KIAA1217: variants seen among roughly 807,000 people sequenced by gnomAD.
The protein encoded by KIAA1217 is sickle tail protein homolog.
KIAA1217 carries 88 observed loss-of-function variants against 163.9 expected under a neutral mutation model. The observed-to-expected ratio is 0.54, with a 90% CI of 0.45 to 0.64. The LOEUF (loss-of-function observed/expected upper bound fraction) is 0.64, where lower values mean the gene tolerates loss of function less well. Ranked by LOEUF, KIAA1217 falls within the 30% of genes least tolerant of loss-of-function variation. The pLI, the probability that KIAA1217 is intolerant of heterozygous loss-of-function variation, is 0.00. For missense variants in KIAA1217, 2,372 were observed against 2,475.0 expected (o/e 0.96, Z 0.88); for synonymous variants, 903 against 923.1 (o/e 0.98, Z 0.39).
chr10:23,765,574 T>C (rs12245363), intron 1 of KIAA1217, among the ~76,000 whole-genome samples: 42,752 of 151,934 alleles, frequency 0.28, 7,397 homozygotes, highest in African/African-American at 0.49. Flanking sequence ...TTGTAATCCC[T>C]ATATGTGGAG....
intron 3 of KIAA1217, among the ~76,000 whole-genome samples, chr10:24,414,221 G>T (rs1022461772): frequency 6.6e-6 from 1 of 152,160 alleles, no homozygotes; most frequent in African/African-American, 2.4e-5. Context: ...TGCCACATAG[G>T]TTGAATTATC....
At chr10:23,789,081 A>T (rs1269625853) in intron 1 of KIAA1217, among the ~76,000 whole-genome samples, 1 of 152,240 alleles carries the variant, frequency 6.6e-6, no homozygotes. Flanking sequence ...CCAAATGAGA[A>T]AACTTTGTCT....
chr10:24,527,773 G>GAAA (rs2072428331), intron 13 of KIAA1217, among the ~76,000 whole-genome samples, 163 bp from the exon 14 acceptor site: 1 of 152,134 alleles, frequency 6.6e-6, no homozygotes, highest in Non-Finnish European at 1.5e-5. Context: ...ATATGGGTTT[G>GAAA]TTGTGCAGAT....
chr10:24,404,950 G>T (rs781755753), intron 3 of KIAA1217, among the ~76,000 whole-genome samples: 66 of 152,342 alleles, frequency 4.3e-4, no homozygotes, highest in Non-Finnish European at 8.1e-4. Flanking sequence ...ATGCAGAACG[G>T]ATTAGTAGAT....
intron 3 of KIAA1217, among the ~76,000 whole-genome samples, chr10:24,404,506 G>A: frequency 7.0e-6 from 1 of 142,394 alleles, no homozygotes; most frequent in African/African-American, 2.6e-5. Context: ...GGCAGAGGTT[G>A]CAGTGAGCTG....
intron 11 of KIAA1217, among the ~76,000 whole-genome samples, chr10:24,520,675 T>C (rs202133244): frequency 0.26 from 19,685 of 76,492 alleles, 2,763 homozygotes; most frequent in Middle Eastern, 0.35. Flanking sequence ...TATATATATA[T>C]ACACACACAC....
intron 2 of KIAA1217, among the ~76,000 whole-genome samples, chr10:24,064,195 A>G (rs2060845241): frequency 6.6e-6 from 1 of 152,150 alleles, no homozygotes; most frequent in Non-Finnish European, 1.5e-5. Flanking sequence ...AGGAGTGGTG[A>G]GAGAGGGCAT....
intron 2 of KIAA1217, among the ~76,000 whole-genome samples, chr10:24,336,191 G>A (rs868620708): frequency 4.6e-5 from 7 of 152,108 alleles, no homozygotes; most frequent in South Asian, 2.1e-4. Context: ...TGCATGACCC[G>A]AGACCGGGCC....
chr10:23,884,068 G>A (rs146301755), intron 1 of KIAA1217, among the ~76,000 whole-genome samples: 2 of 151,990 alleles, frequency 1.3e-5, no homozygotes, highest in East Asian at 3.9e-4. Context: ...TATTAGACAC[G>A]TCTGTGTACA....
At chr10:23,870,782 G>A (rs1048485834) in intron 1 of KIAA1217, among the ~76,000 whole-genome samples, 8 of 152,098 alleles carry the variant, frequency 5.3e-5, no homozygotes, top group Non-Finnish European at 1.0e-4. Flanking sequence ...ACAAAATCAA[G>A]GCTCTCCCTC....
At chr10:24,463,103 T>C (rs1263833273) in intron 5 of KIAA1217, among the ~76,000 whole-genome samples, 1 of 152,222 alleles carries the variant, frequency 6.6e-6, no homozygotes, top group Non-Finnish European at 1.5e-5. Context: ...GAGGTTGTCC[T>C]TGGCCTGGGG....
intron 1 of KIAA1217, among the ~76,000 whole-genome samples, chr10:23,861,173 A>C (rs971660449): frequency 6.6e-6 from 1 of 152,102 alleles, no homozygotes; most frequent in African/African-American, 2.4e-5. Flanking sequence ...CTGGACTCCC[A>C]AAATGCTGGG....
At chr10:23,722,781 T>C (rs1447718559) in intron 1 of KIAA1217, among the ~76,000 whole-genome samples, 1 of 152,226 alleles carries the variant, frequency 6.6e-6, no homozygotes, top group Non-Finnish European at 1.5e-5. Flanking sequence ...GGGCTTAGTC[T>C]GTGCAGTAAG....
At chr10:23,820,575 G>C (rs1341233607) in intron 1 of KIAA1217, among the ~76,000 whole-genome samples, 3 of 152,212 alleles carry the variant, frequency 2.0e-5, no homozygotes, top group Non-Finnish European at 4.4e-5. Context: ...TTTTGATCCA[G>C]AGTTTTAGGG....
chr10:23,998,765 G>C (rs929957491), intron 1 of KIAA1217, among the ~76,000 whole-genome samples: 1 of 152,134 alleles, frequency 6.6e-6, no homozygotes, highest in Non-Finnish European at 1.5e-5. Flanking sequence ...TAAGCAGAGG[G>C]CCTTTGCATT....
intron 1 of KIAA1217, among the ~76,000 whole-genome samples, chr10:23,892,481 T>A (rs1841456689): frequency 2.0e-5 from 3 of 151,948 alleles, no homozygotes; most frequent in South Asian, 2.1e-4. Context: ...GTGAGTCATC[T>A]CTCATAATAT....
chr10:24,211,200 G>C (rs916658958), intron 1 of KIAA1217, among the ~76,000 whole-genome samples: 2 of 152,004 alleles, frequency 1.3e-5, no homozygotes, highest in Non-Finnish European at 2.9e-5. Context: ...TAACAGCAGG[G>C]ATGTAATGTT....
chr10:24,522,001 G>A (rs540665686), intron 12 of KIAA1217, 72 bp downstream of exon 12: 15 of 1,524,824 alleles, frequency 9.8e-6, no homozygotes, highest in Non-Finnish European at 1.3e-5. Flanking sequence ...TGGACGTTTG[G>A]GACTTCAGCC....
intron 1 of KIAA1217, among the ~76,000 whole-genome samples, chr10:23,932,339 C>G (rs1024395454): frequency 6.6e-6 from 1 of 152,082 alleles, no homozygotes; most frequent in Non-Finnish European, 1.5e-5. Flanking sequence ...AATTTTCATT[C>G]ATTCATCAAC....
Sources: allele counts gnomAD v4.1 joint callset (sites outside exome capture counted in the v4.1 genomes callset), GRCh38; gene constraint gnomAD v4.1.1; transcripts MANE v1.5; gene names NCBI Gene and HGNC (gene_info 2026-07-23, HGNC 2026-07-21).